The following MED23 variants were observed in gnomAD, a reference collection of about 807,000 sequenced individuals.
The protein encoded by MED23 is mediator of RNA polymerase II transcription subunit 23.
MED23 carries 105 observed loss-of-function variants against 163.9 expected under a neutral mutation model. That is an observed-to-expected ratio of 0.64 (90% CI 0.55 to 0.75). The LOEUF (loss-of-function observed/expected upper bound fraction) is 0.75, where lower values mean the gene tolerates loss of function less well. Ranked by LOEUF, MED23 falls within the 30% of genes least tolerant of loss-of-function variation. The pLI, the probability that MED23 is intolerant of heterozygous loss-of-function variation, is 0.00. For missense variants in MED23, 1,054 were observed against 1,649.0 expected, an observed-to-expected ratio of 0.64 and a Z score of 6.25; for synonymous variants, 561 against 565.6, an observed-to-expected ratio of 0.99 and a Z score of 0.12.
At chr6:131,585,218 T>C (rs1430350340), downstream of MED23, among the ~76,000 whole-genome samples, 1 of 151,908 alleles carries the variant, frequency 6.6e-6, no homozygotes, top group Non-Finnish European at 1.5e-5. Context: ...GTAAGGAAAA[T>C]GGAAAAAACA....
chr6:131,599,905 A>C (rs1585492623), intron 18 of MED23, 133 bp downstream of exon 18: 5 of 1,104,812 alleles, frequency 4.5e-6, no homozygotes. Context: ...CACCATGCCC[A>C]GCCCCTAAAT....
intron 7 of MED23, 35 bp from the exon 8 acceptor site, chr6:131,619,931 T>C (rs1198778872): frequency 7.0e-7 from 1 of 1,428,316 alleles, no homozygotes; most frequent in Admixed American, 1.7e-5. Flanking sequence ...GTCAAATAAA[T>C]ACGTACAAAA....
intron 11 of MED23, among the ~76,000 whole-genome samples, chr6:131,608,969 G>A (rs1288781256): frequency 6.6e-6 from 1 of 152,072 alleles, no homozygotes; most frequent in Non-Finnish European, 1.5e-5. Flanking sequence ...GAACCACTCA[G>A]CAAGCCTAGA....
At position 131,617,452 on chromosome 6, in the gene MED23, G is replaced by A. The variant is rs576218056; in HGVS notation, c.780+955C>T. Among the ~76,000 whole-genome samples, 211 of 149,478 alleles carry A rather than the reference G, an allele frequency of 1.4e-3. 8 individuals are homozygous for A. The South Asian group carries it at 0.023, about 16-fold the overall frequency. ...ATGTAAAAACCTTAGAAACAGTTAC[G>A]GCATTAAATTTCTTTTTTTTTTTTT... is the stretch of plus-strand genomic sequence containing the variant. On this transcript the variant is annotated intron_variant, in intron 9 of 28. Coordinates refer to ENST00000368068, the MANE Select transcript of MED23 (RefSeq NM_004830.4).
chr6:131,617,394 T>C (rs1432659544), intron 9 of MED23, among the ~76,000 whole-genome samples: 3 of 151,024 alleles, frequency 2.0e-5, no homozygotes, highest in African/African-American at 7.3e-5. Context: ...ATTTTTAAGA[T>C]AATCTTTAAA....
chr6:131,583,943 T>C (rs1428993393), downstream of MED23: 7 of 1,604,024 alleles, frequency 4.4e-6, no homozygotes, highest in Non-Finnish European at 6.0e-6. Context: ...TCATAGTTAA[T>C]GGCATAATTA....
chr6:131,597,493 A>AAAAAG (rs1775149842), intron 20 of MED23, among the ~76,000 whole-genome samples: 1 of 149,806 alleles, frequency 6.7e-6, no homozygotes, highest in Non-Finnish European at 1.5e-5. Flanking sequence ...AAAAAAAAAA[A>AAAAAG]AAAAGAAAAA....
intron 30 of MED23, chr6:131,581,402 G>A: frequency 1.2e-6 from 2 of 1,603,208 alleles, no homozygotes; most frequent in African/African-American, 1.3e-5. Context: ...TGGTACTCTA[G>A]TGCAATAGAA....
chr6:131,593,187 G>A lies in MED23; in HGVS notation c.3233-16C>T, dbSNP rs142067009. 6.2e-4 allele frequency: 998 copies of A among 1,614,000 alleles called. 5 individuals carry two copies. In the African/African-American group the frequency reaches 0.012, roughly 19 times the overall value. ...CCAGCCATCGGTGCACACAGTTAAA[G>A]CAATAACAATTGGACTATCTCATCT... is the stretch of plus-strand genomic sequence containing the variant. On this transcript the variant is annotated splice_polypyrimidine_tract_variant and intron_variant, in intron 23 of 28. Coordinates refer to ENST00000368068, the MANE Select transcript of MED23 (RefSeq NM_004830.4).
At chr6:131,612,592 T>C (rs1277633118) in intron 10 of MED23, among the ~76,000 whole-genome samples, 1 of 152,142 alleles carries the variant, frequency 6.6e-6, no homozygotes, top group Non-Finnish European at 1.5e-5. Context: ...CTGACATATA[T>C]AGTTAAATTT....
chr6:131,620,618 T>C lies in MED23; in HGVS notation c.597+10A>G, dbSNP rs371199185. 1.9e-6 allele frequency: 3 copies of C among 1,590,414 alleles called. No individual in the cohort carries two copies. Among genetic ancestry groups the C allele is most frequent in the East Asian group, 2.2e-5 (1 of 44,742 alleles). On this transcript the variant is annotated intron_variant, in intron 7 of 28. Transcript: ENST00000368068. Reference sequence around the variant, plus strand: ...ATTTTTATTAAAAATTCAGGAAATATAAAATTTACCCAGTGTGGAAGTTTG... The same window carrying C: ...ATTTTTATTAAAAATTCAGGAAATACAAAATTTACCCAGTGTGGAAGTTTG...
chr6:131,595,677 A>G (rs1202480376), intron 22 of MED23, among the ~76,000 whole-genome samples: 2 of 152,148 alleles, frequency 1.3e-5, no homozygotes, highest in Non-Finnish European at 2.9e-5. Flanking sequence ...AATTGGATGC[A>G]TCAAGTCCAA....
chr6:131,581,638 A>G (rs775372638), intron 30 of MED23, among the ~76,000 whole-genome samples: 6 of 152,206 alleles, frequency 3.9e-5, no homozygotes, highest in Non-Finnish European at 7.3e-5. Context: ...GTAATCATTT[A>G]TAAACAGGTC....
chr6:131,605,210 C>T (rs1452852638), intron 14 of MED23, 30 bp downstream of exon 14: 2 of 1,610,430 alleles, frequency 1.2e-6, no homozygotes, highest in Admixed American at 1.7e-5. Flanking sequence ...AATTCCCTGA[C>T]ATGGAACCAA....
chr6:131,589,583 A>C lies in MED23; in HGVS notation c.3821T>G (p.Phe1274Cys). ...TRCMIEIGVA[F>C]YDMLLNVDQC... ...GTCAACATTCAGCAGCATGTCATAA[A>C]ACGCCACACCAATCTATTTAACAAA... is the stretch of plus-strand genomic sequence containing the variant. Residue 1274 changes from phenylalanine (F) to cysteine (C), a missense_variant, in exon 28 of 29, where the codon TTT becomes TGT. Phe to Cys is a radical substitution (Grantham distance 205). Around this residue, in one of 11 missense-constraint regions of MED23, gnomAD observed 362 missense variants for 471.6 expected, o/e 0.77. Transcript: ENST00000368068. The C allele has an allele frequency of 2.5e-6, 4 of 1,613,956 alleles. No individual in the cohort carries two copies. The highest frequency in any genetic ancestry group is 3.4e-6 in the Non-Finnish European group (4 of 1,179,890).
rs373074105 is a variant in MED23 at position 131,598,782 on chromosome 6, T to G, written c.2221-21A>C. 1.4e-5 allele frequency: 22 copies of G among 1,605,846 alleles called. No individual in the cohort carries two copies. Among genetic ancestry groups the G allele is most frequent in the Non-Finnish European group, 1.9e-5 (22 of 1,172,582 alleles). Reference sequence around the variant, plus strand: ...AATGCCTAAAAAGAGGATTAGAAGTTTATTTCATTGGTTATAGTAGAAAGA... The same window carrying G: ...AATGCCTAAAAAGAGGATTAGAAGTGTATTTCATTGGTTATAGTAGAAAGA... On this transcript the variant is annotated intron_variant, in intron 18 of 28. Transcript: ENST00000368068. This position sits in a 1 kb window ranked among gnomAD's most constrained non-coding sequence, Gnocchi z 4.7.
In MED23 at chr6:131,592,429, C is replaced by A. The variant is rs756936594; in HGVS notation, c.3430G>T (p.Ala1144Ser). Residue 1144 changes from alanine to serine, a missense_variant, in exon 25 of 29, where the codon GCA (alanine) becomes TCA (serine). This residue lies in a region of MED23 where 362 missense variants were observed against 471.6 expected (regional missense o/e 0.77). Transcript: ENST00000368068. Reference protein sequence around the residue: ...QPLVPRENITAWMNAIGLIIT... With the variant: ...QPLVPRENITSWMNAIGLIIT... ...ATCAAACCAATTGCATTCATCCATG[C>A]TGTAATGTTCTCTCTTGGCACTAAA... 6.2e-7 allele frequency: 1 copy of A among 1,613,998 alleles called. No homozygotes were observed. Among genetic ancestry groups the A allele is most frequent in the South Asian group, 1.1e-5 (1 of 91,078 alleles).
intron 10 of MED23, chr6:131,615,669 T>C (rs1456123274): frequency 4.6e-5 from 28 of 608,192 alleles, no homozygotes; most frequent in Admixed American, 4.3e-4. Flanking sequence ...ACTGGCCTTA[T>C]AGAAAAAAAA....
chr6:131,593,935 GTTAAT>G (rs763235360), intron 23 of MED23, among the ~76,000 whole-genome samples, 159 bp downstream of exon 23: 2 of 151,978 alleles, frequency 1.3e-5, no homozygotes, highest in African/African-American at 2.4e-5. Flanking sequence ...GCATGATGCT[GTTAAT>G]TTAAGATTTC....
Sources: gnomAD v4.1 joint callset for allele counts (sites outside exome capture counted in the v4.1 genomes callset) on GRCh38, gnomAD v4.1.1 for gene constraint, gnomAD v4.1.1 regional missense constraint, Gnocchi (gnomAD v3.1) non-coding constraint, MANE v1.5 for transcripts, NCBI Gene and HGNC (gene_info 2026-07-23, HGNC 2026-07-21) for gene names.